DNER: variants seen among roughly 807,000 people sequenced by gnomAD.
DNER encodes the protein delta and Notch-like epidermal growth factor-related receptor.
Under a neutral mutation model 78.2 loss-of-function variants are expected in DNER, and 33 were observed. The observed-to-expected ratio is 0.42, with a 90% CI of 0.32 to 0.56. DNER has a LOEUF of 0.56. Among genes scored for constraint, DNER ranks in the 20% least tolerant of loss-of-function variants. DNER has a pLI of 0.11. For synonymous variants in DNER, 417 were observed against 384.8 expected (o/e 1.08, Z -0.98); for missense variants, 918 against 975.3 (o/e 0.94, Z 0.78).
At position 229,551,172 on chromosome 2, in the gene DNER, G is replaced by A. The variant is rs184756913; in HGVS notation, c.848-4080C>T. The stretch of plus-strand genomic sequence containing the variant: ...ACTTCTTTTAAAAGTTTTCATAAAT[G>A]TAAGACTTCTCTCATGGCCTCTCAG... On this transcript the variant is annotated intron_variant, in intron 4 of 12. Coordinates refer to ENST00000341772, the MANE Select transcript of DNER (RefSeq NM_139072.4). 6.6e-5 allele frequency among the ~76,000 whole-genome samples: 10 copies of A among 152,280 alleles called. No individual in the cohort carries two copies. The East Asian group carries it at 1.9e-3, about 29-fold the overall frequency.
chr2:229,600,374 C>T (rs1697805548), intron 1 of DNER, among the ~76,000 whole-genome samples: 1 of 152,156 alleles, frequency 6.6e-6, no homozygotes, highest in South Asian at 2.1e-4. Flanking sequence ...CTAGACAGTA[C>T]AGACTTTGGG....
intron 7 of DNER, 122 bp from the exon 8 acceptor site, chr2:229,447,662 T>A: frequency 1.8e-6 from 2 of 1,102,696 alleles, no homozygotes; most frequent in Non-Finnish European, 2.6e-6. Context: ...TCCAGATATG[T>A]CACAACCCAA....
chr2:229,405,516 T>A (rs1574828572), intron 10 of DNER, among the ~76,000 whole-genome samples: 1 of 152,138 alleles, frequency 6.6e-6, no homozygotes, highest in Non-Finnish European at 1.5e-5. Flanking sequence ...GAATTGTGGA[T>A]GGAACTTTTA....
chr2:229,549,189 G>A (rs905292258), intron 4 of DNER, among the ~76,000 whole-genome samples: 1 of 152,206 alleles, frequency 6.6e-6, no homozygotes, highest in Non-Finnish European at 1.5e-5. Flanking sequence ...GGGGTAGCCA[G>A]GGAGATGGAG....
chr2:229,602,950 C>T (rs1467731780), intron 1 of DNER, among the ~76,000 whole-genome samples: 1 of 152,130 alleles, frequency 6.6e-6, no homozygotes, highest in Non-Finnish European at 1.5e-5. Context: ...TGTGGGAGGG[C>T]TTGCTCTATT....
intron 1 of DNER, among the ~76,000 whole-genome samples, chr2:229,678,560 T>C (rs557287540): frequency 2.6e-5 from 4 of 152,284 alleles, no homozygotes; most frequent in Admixed American, 1.3e-4. Context: ...GCAGATGAGG[T>C]TGAGGAAGCC....
intron 6 of DNER, among the ~76,000 whole-genome samples, chr2:229,489,568 G>A (rs1695350629): frequency 6.6e-6 from 1 of 151,920 alleles, no homozygotes; most frequent in South Asian, 2.1e-4. Flanking sequence ...GAGGGGAGGA[G>A]GAGTCGGCAG....
At chr2:229,677,705 C>T (rs971162120) in intron 1 of DNER, among the ~76,000 whole-genome samples, 8 of 152,180 alleles carry the variant, frequency 5.3e-5, no homozygotes, top group Non-Finnish European at 8.8e-5. Flanking sequence ...CAAAGTGTTA[C>T]TGTCTCTAAT....
chr2:229,478,118 A>G (rs1015141723), intron 6 of DNER, among the ~76,000 whole-genome samples: 3 of 152,232 alleles, frequency 2.0e-5, no homozygotes, highest in Admixed American at 1.3e-4. Flanking sequence ...ACACAGAAAA[A>G]GAAAAAAATG....
intron 4 of DNER, among the ~76,000 whole-genome samples, chr2:229,564,835 G>A (rs992675462): frequency 2.6e-5 from 4 of 152,142 alleles, no homozygotes; most frequent in Admixed American, 6.6e-5. Context: ...TAGACTGATG[G>A]CTTTAAAACA....
intron 1 of DNER, among the ~76,000 whole-genome samples, chr2:229,690,739 T>A (rs903711918): frequency 6.6e-6 from 1 of 152,172 alleles, no homozygotes; most frequent in African/African-American, 2.4e-5. Flanking sequence ...CTGTAAATGA[T>A]GGACCCAATG....
Position 229,702,561 on chromosome 2 carries a change from T to G in DNER, c.276+11587A>C, listed in dbSNP as rs549629198. Among the ~76,000 whole-genome samples, 3 of 151,604 alleles carry G rather than the reference T, an allele frequency of 2.0e-5. No homozygotes were observed. In the South Asian group the frequency reaches 6.3e-4, roughly 32 times the overall value. Reference sequence around the variant, plus strand: ...CGAAAATAATAATGATGATGATGATTTTAAAAAAAGAGTATGTGAGTGTCC... The same window carrying G: ...CGAAAATAATAATGATGATGATGATGTTAAAAAAAGAGTATGTGAGTGTCC... On this transcript the variant is annotated intron_variant, in intron 1 of 12. Coordinates refer to ENST00000341772, the MANE Select transcript of DNER (RefSeq NM_139072.4).
chr2:229,407,475 G>C (rs1693414065), intron 9 of DNER, 130 bp from the exon 10 acceptor site: 2 of 632,332 alleles, frequency 3.2e-6, no homozygotes, highest in African/African-American at 3.6e-5. Flanking sequence ...GTGGGTGAGT[G>C]TATACACACG....
At chr2:229,530,931 G>T (rs1331103691) in intron 5 of DNER, among the ~76,000 whole-genome samples, 2 of 152,180 alleles carry the variant, frequency 1.3e-5, no homozygotes, top group African/African-American at 4.8e-5. Flanking sequence ...GCAATCTAAA[G>T]GAAGAAACCC....
At chr2:229,700,315 T>C (rs1431606289) in intron 1 of DNER, among the ~76,000 whole-genome samples, 1 of 149,150 alleles carries the variant, frequency 6.7e-6, no homozygotes, top group Non-Finnish European at 1.5e-5. Context: ...TGTGTGTGTG[T>C]GTGTATAGGG....
intron 1 of DNER, among the ~76,000 whole-genome samples, chr2:229,666,853 C>T (rs1035575932): frequency 2.0e-5 from 3 of 152,208 alleles, no homozygotes; most frequent in Admixed American, 2.0e-4. Flanking sequence ...CTCCCTCTAA[C>T]ACCAGTTCTT....
At chr2:229,688,309 C>T (rs1284074423) in intron 1 of DNER, among the ~76,000 whole-genome samples, 1 of 152,180 alleles carries the variant, frequency 6.6e-6, no homozygotes, top group Non-Finnish European at 1.5e-5. Context: ...AACAGACGGA[C>T]GCATGGATTT....
chr2:229,389,809 C>T (rs1273431473), intron 10 of DNER, among the ~76,000 whole-genome samples: 2 of 152,148 alleles, frequency 1.3e-5, no homozygotes, highest in Non-Finnish European at 2.9e-5. Flanking sequence ...TAAATAAAAT[C>T]TGTTGAACAA....
intron 1 of DNER, among the ~76,000 whole-genome samples, chr2:229,711,867 C>G (rs997535086): frequency 6.6e-6 from 1 of 152,114 alleles, no homozygotes; most frequent in Non-Finnish European, 1.5e-5. Context: ...CCCACCACCC[C>G]AGGTTTAACT....
Sources: gnomAD v4.1 joint callset for allele counts (sites outside exome capture counted in the v4.1 genomes callset) on GRCh38, gnomAD v4.1.1 for gene constraint, MANE v1.5 for transcripts, NCBI Gene and HGNC (gene_info 2026-07-23, HGNC 2026-07-21) for gene names.